CPEB4: variants seen among roughly 807,000 people sequenced by gnomAD.
The protein encoded by CPEB4 is cytoplasmic polyadenylation element-binding protein 4.
A neutral mutation model predicts 72.5 loss-of-function variants in CPEB4; 12 were observed. That is an observed-to-expected ratio of 0.17 (90% CI 0.11 to 0.27). CPEB4 has a LOEUF of 0.27. CPEB4 is among the 10% of genes least tolerant of loss of function. The probability of loss-of-function intolerance (pLI) is 1.00; values close to 1 mark genes in which losing one functional copy is unlikely to be tolerated. For synonymous variants in CPEB4, 302 were observed against 326.3 expected (o/e 0.93, Z 0.80); for missense variants, 614 against 908.5 (o/e 0.68, Z 4.17).
intron 1 of CPEB4, among the ~76,000 whole-genome samples, chr5:173,905,367 G>A (rs1437838125): frequency 1.3e-5 from 2 of 150,592 alleles, no homozygotes; most frequent in Non-Finnish European, 2.9e-5. Context: ...ATGGAGTCTC[G>A]CTCTAACGCC....
intron 9 of CPEB4, chr5:173,953,516 A>C: frequency 2.4e-6 from 1 of 409,874 alleles, no homozygotes; most frequent in Non-Finnish European, 4.3e-6. Context: ...TCTAACTTCC[A>C]TTCAATCTCA....
At chr5:173,903,418 T>A (rs956847095) in intron 1 of CPEB4, among the ~76,000 whole-genome samples, 2 of 152,226 alleles carry the variant, frequency 1.3e-5, no homozygotes, top group African/African-American at 4.8e-5. Context: ...AAGGATCTAA[T>A]GAAGTTAACC....
chr5:173,899,578 G>A (rs560482593), intron 1 of CPEB4, among the ~76,000 whole-genome samples: 4 of 152,194 alleles, frequency 2.6e-5, no homozygotes, highest in African/African-American at 7.2e-5. Flanking sequence ...CTAGTGATTC[G>A]AAATTTGGGA....
chr5:173,920,373 C>T (rs565377561), intron 2 of CPEB4, among the ~76,000 whole-genome samples: 70 of 152,326 alleles, frequency 4.6e-4, no homozygotes, highest in African/African-American at 1.7e-3. Context: ...TTCTGAAGAG[C>T]AGCCCTGATT....
At chr5:173,910,850 T>G (rs17695092) in intron 2 of CPEB4, 106,571 of 429,050 alleles carry the variant, frequency 0.25, 15,947 homozygotes, top group Non-Finnish European at 0.3. Flanking sequence ...TGGGCAATTA[T>G]CTCAAAGACA....
chr5:173,951,510 T>C (rs566626631), intron 7 of CPEB4, among the ~76,000 whole-genome samples: 117 of 152,294 alleles, frequency 7.7e-4, no homozygotes, highest in African/African-American at 2.6e-3. Context: ...TATGTAGATA[T>C]TGAGGCATTG....
chr5:173,888,635 GA>G lies in CPEB4; in HGVS notation c.-1098del, dbSNP rs1755693777. The G allele has an allele frequency of 2.5e-6, 1 of 401,076 alleles. No individual in the cohort carries two copies. The highest frequency in any genetic ancestry group is 4.4e-5 in the Admixed American group (1 of 22,748). The allele number at this position is 401,076 out of a possible 1,614,324, so 24.8% of individuals were successfully genotyped here. A position where few individuals can be genotyped will look rare whatever the true frequency, so the allele number is the denominator to read the frequency against. ...TCTGGGGGAAAAGAGAGAGAAAGCC[GA>G]GGGGGGAGGCCCTTCTCCTTTAAAA... is the stretch of plus-strand genomic sequence containing the variant. On this transcript the variant is annotated 5_prime_UTR_variant, in exon 1 of 10. Transcript: ENST00000265085. The surrounding 1 kb of genome is among the most constrained non-coding windows in gnomAD (Gnocchi z 4.3).
At chr5:173,895,366 G>T (rs897531073) in intron 1 of CPEB4, among the ~76,000 whole-genome samples, 1 of 152,184 alleles carries the variant, frequency 6.6e-6, no homozygotes, top group Non-Finnish European at 1.5e-5. Flanking sequence ...CTTAACTACA[G>T]CTCAATTATG....
intron 5 of CPEB4, among the ~76,000 whole-genome samples, chr5:173,947,999 G>T (rs367808683): frequency 1.3e-5 from 2 of 152,176 alleles, no homozygotes; most frequent in Admixed American, 1.3e-4. Flanking sequence ...TAAGGGACAC[G>T]CAGGACAAAA....
intron 2 of CPEB4, among the ~76,000 whole-genome samples, chr5:173,928,711 C>G (rs558782412): frequency 6.6e-6 from 1 of 151,910 alleles, no homozygotes; most frequent in Non-Finnish European, 1.5e-5. Flanking sequence ...GGAAAAAGTA[C>G]GAGAGTGCAA....
At chr5:173,917,992 G>T in intron 2 of CPEB4, among the ~76,000 whole-genome samples, 1 of 152,198 alleles carries the variant, frequency 6.6e-6, no homozygotes, top group East Asian at 1.9e-4. Flanking sequence ...TAGCGTAACA[G>T]GGGAGTGACT....
At chr5:173,920,450 T>G (rs1430148620) in intron 2 of CPEB4, among the ~76,000 whole-genome samples, 1 of 152,252 alleles carries the variant, frequency 6.6e-6, no homozygotes, top group African/African-American at 2.4e-5. Context: ...ATAATAAATG[T>G]CTGGCATGGT....
At chr5:173,891,542 T>A (rs1755810666) in intron 1 of CPEB4, 1 of 152,232 alleles carries the variant, frequency 6.6e-6, no homozygotes, top group Non-Finnish European at 1.5e-5. Flanking sequence ...TGACTCTTTA[T>A]GCCTTTCACC....
intron 3 of CPEB4, 57 bp from the exon 4 acceptor site, chr5:173,942,969 A>G (rs993103898): frequency 3.0e-5 from 46 of 1,556,018 alleles, no homozygotes; most frequent in African/African-American, 6.9e-5. Flanking sequence ...TCTTTTGACA[A>G]TGTTTGAAAG....
rs1360639356 is a variant in CPEB4, at chr5:173,955,756, A to G, written c.1963-154A>G. 6.6e-6 allele frequency among the ~76,000 whole-genome samples: 1 copy of G among 152,214 alleles called. No individual in the cohort carries two copies. The highest frequency in any genetic ancestry group is 2.4e-5 in the African/African-American group (1 of 41,462). ...AAAAGCCTTACTAGGTTCTTAAAAG[A>G]TGAACTATCCATATTTCAGTAAATG... is the stretch of plus-strand genomic sequence containing the variant. On this transcript the variant is annotated intron_variant, in intron 9 of 9. Coordinates refer to ENST00000265085, the MANE Select transcript of CPEB4 (RefSeq NM_030627.4). The surrounding 1 kb of genome is among the most constrained non-coding windows in gnomAD (Gnocchi z 4.7).
At chr5:173,930,711 G>A (rs1757414037) in intron 2 of CPEB4, among the ~76,000 whole-genome samples, 1 of 151,914 alleles carries the variant, frequency 6.6e-6, no homozygotes, top group African/African-American at 2.4e-5. Context: ...ATTGGCAGCC[G>A]GGCGCAGTGG....
In CPEB4 at chr5:173,932,739, A is replaced by T. The variant is rs576140817; in HGVS notation, c.1258+239A>T. ...TGGTGACAATGAGAATGAAAATCCC[A>T]TAATGATACCTAAAGATTGGCTTTA... On this transcript the variant is annotated intron_variant, in intron 3 of 9. Transcript: ENST00000265085. 2.6e-5 allele frequency among the ~76,000 whole-genome samples: 4 copies of T among 152,338 alleles called. No individual in the cohort carries two copies. In the South Asian group the frequency reaches 6.2e-4, roughly 24 times the overall value.
chr5:173,941,819 A>G (rs1262375956), intron 3 of CPEB4, among the ~76,000 whole-genome samples: 2 of 152,212 alleles, frequency 1.3e-5, no homozygotes, highest in Non-Finnish European at 2.9e-5. Context: ...CGGAGGCCGC[A>G]GTGAGCTGAG....
chr5:173,940,222 C>A (rs182562019), intron 3 of CPEB4, among the ~76,000 whole-genome samples: 1 of 152,280 alleles, frequency 6.6e-6, no homozygotes, highest in East Asian at 1.9e-4. Context: ...GAGCATGCAT[C>A]TAAACAATCT....
Sources: gnomAD v4.1 joint callset for allele counts (sites outside exome capture counted in the v4.1 genomes callset) on GRCh38, gnomAD v4.1.1 for gene constraint, Gnocchi (gnomAD v3.1) non-coding constraint, MANE v1.5 for transcripts, NCBI Gene and HGNC (gene_info 2026-07-23, HGNC 2026-07-21) for gene names.